The following FARP1 variants were observed in gnomAD, a reference collection of about 807,000 sequenced individuals.
FARP1 encodes FERM, ARHGEF and pleckstrin domain-containing protein 1.
In FARP1, 52 loss-of-function variants were observed where a neutral mutation model predicts 128.8. That is an observed-to-expected ratio of 0.40 (90% CI 0.32 to 0.51). The LOEUF is 0.51. Among genes scored for constraint, FARP1 ranks in the 20% least tolerant of loss-of-function variants. FARP1 has a pLI of 0.45. For synonymous variants in FARP1, 580 were observed against 551.8 expected, an observed-to-expected ratio of 1.05 and a Z score of -0.72; for missense variants, 1,333 against 1,367.9, an observed-to-expected ratio of 0.97 and a Z score of 0.40.
At chr13:98,150,024 A>T in intron 1 of FARP1, among the ~76,000 whole-genome samples, 1 of 150,838 alleles carries the variant, frequency 6.6e-6, no homozygotes, top group South Asian at 2.1e-4. Context: ...GTCTTGAGCC[A>T]CCGCGCCCGG....
At chr13:98,212,575 G>C (rs1880791128) in intron 1 of FARP1, among the ~76,000 whole-genome samples, 1 of 147,766 alleles carries the variant, frequency 6.8e-6, no homozygotes, top group Non-Finnish European at 1.5e-5. Context: ...TGATAGTATA[G>C]TATAGTGTGT....
chr13:98,322,782 A>C (rs1489075041), intron 2 of FARP1, among the ~76,000 whole-genome samples: 1 of 152,172 alleles, frequency 6.6e-6, no homozygotes, highest in Non-Finnish European at 1.5e-5. Flanking sequence ...ACCATCTTGC[A>C]CAAAGGCAGC....
chr13:98,318,744 T>C (rs759769688), intron 2 of FARP1, among the ~76,000 whole-genome samples: 93 of 152,328 alleles, frequency 6.1e-4, no homozygotes, highest in Admixed American at 3.9e-3. Context: ...TGTCTTTTGC[T>C]GTCTGCCCTG....
At chr13:98,408,894 A>G (rs979520297) in intron 13 of FARP1, among the ~76,000 whole-genome samples, 1 of 152,214 alleles carries the variant, frequency 6.6e-6, no homozygotes, top group African/African-American at 2.4e-5. Context: ...ACCCATTGTT[A>G]CGGGACGTAG....
intron 2 of FARP1, among the ~76,000 whole-genome samples, chr13:98,224,889 C>T (rs1228571713): frequency 6.6e-6 from 1 of 152,202 alleles, no homozygotes; most frequent in Non-Finnish European, 1.5e-5. Context: ...GCTTCCATTC[C>T]TGCATTCTCT....
At chr13:98,194,582 A>G (rs1879454902) in intron 1 of FARP1, among the ~76,000 whole-genome samples, 1 of 152,254 alleles carries the variant, frequency 6.6e-6, no homozygotes, top group Non-Finnish European at 1.5e-5. Flanking sequence ...TAAATGGGTT[A>G]GTGATTCCCA....
At chr13:98,436,464 T>G (rs760505850) in intron 19 of FARP1, among the ~76,000 whole-genome samples, 2 of 152,236 alleles carry the variant, frequency 1.3e-5, no homozygotes, top group Non-Finnish European at 2.9e-5. Context: ...CCATTTCAAA[T>G]GCTACGTCAC....
intron 2 of FARP1, among the ~76,000 whole-genome samples, chr13:98,337,810 C>T (rs1020957816): frequency 6.6e-6 from 1 of 152,104 alleles, no homozygotes; most frequent in Non-Finnish European, 1.5e-5. Flanking sequence ...GCCCCAAATG[C>T]ATAATTTGCC....
intron 2 of FARP1, among the ~76,000 whole-genome samples, chr13:98,215,267 C>G (rs1345864822): frequency 6.6e-6 from 1 of 152,188 alleles, no homozygotes; most frequent in Admixed American, 6.5e-5. Context: ...AGCCCTTTGT[C>G]TGGAAGGAAC....
At chr13:98,257,068 G>A (rs944795224) in intron 2 of FARP1, among the ~76,000 whole-genome samples, 6 of 148,306 alleles carry the variant, frequency 4.0e-5, no homozygotes, top group Admixed American at 1.4e-4. Flanking sequence ...AAGATCAAGC[G>A]TTCTTCAACA....
intron 5 of FARP1, 60 bp from the exon 6 acceptor site, chr13:98,377,761 C>G (rs767088373): frequency 7.8e-7 from 1 of 1,278,772 alleles, no homozygotes; most frequent in Non-Finnish European, 1.1e-6. Flanking sequence ...ATGGTGAGGC[C>G]AGGTTCCCGG....
chr13:98,184,159 C>A (rs1566714143), intron 1 of FARP1, among the ~76,000 whole-genome samples: 1 of 152,032 alleles, frequency 6.6e-6, no homozygotes. Flanking sequence ...CTCTTGTTGC[C>A]CAGGCCGGAG....
chr13:98,351,006 G>C (rs1888396781), intron 3 of FARP1, among the ~76,000 whole-genome samples: 1 of 138,530 alleles, frequency 7.2e-6, no homozygotes, highest in Admixed American at 6.9e-5. Flanking sequence ...CGCCTCCCCT[G>C]CCCAGCCTCG....
rs80331970 is a variant in FARP1, at chr13:98,452,768, T to C, written c.*4451T>C. 2.3e-3 allele frequency: 402 copies of C among 174,564 alleles called. 7 individuals carry two copies. The highest frequency in any genetic ancestry group is 0.02 in the East Asian group (124 of 6,262). 10.8% of individuals were successfully genotyped at this position (174,564 alleles called of 1,614,324 possible). ...TCTGTACACCCATCCACCAGAGCGATTCTCCAGCTCCCAGAGGGAGTTATC... is the reference window on the plus strand; with the variant it reads ...TCTGTACACCCATCCACCAGAGCGACTCTCCAGCTCCCAGAGGGAGTTATC... On this transcript the variant is annotated 3_prime_UTR_variant, in exon 27 of 27. Coordinates refer to ENST00000319562, the MANE Select transcript of FARP1 (RefSeq NM_005766.4).
At chr13:98,365,879 TGTGTGTGTGTATGTG>T (rs1328966195) in intron 4 of FARP1, among the ~76,000 whole-genome samples, 1 of 138,524 alleles carries the variant, frequency 7.2e-6, no homozygotes, top group Admixed American at 7.6e-5. Flanking sequence ...AAAGTGTGAG[TGTGTGTGTGTATGTG>T]GTGTGTGTGT....
At chr13:98,147,640 A>G (rs1310753624) in intron 1 of FARP1, among the ~76,000 whole-genome samples, 2 of 151,906 alleles carry the variant, frequency 1.3e-5, no homozygotes, top group Non-Finnish European at 2.9e-5. Context: ...CTAGTATAGT[A>G]TCTGAATATA....
At chr13:98,255,433 G>A (rs922061632) in intron 2 of FARP1, among the ~76,000 whole-genome samples, 7 of 151,986 alleles carry the variant, frequency 4.6e-5, no homozygotes, top group African/African-American at 1.5e-4. Flanking sequence ...CCCAGGACGC[G>A]AAGCTTGCAG....
At chr13:98,376,418 T>C (rs1889586895) in intron 5 of FARP1, among the ~76,000 whole-genome samples, 1 of 152,208 alleles carries the variant, frequency 6.6e-6, no homozygotes, top group South Asian at 2.1e-4. Context: ...CATAATGACC[T>C]CCAGTTCCAA....
chr13:98,175,179 C>A (rs1193727914), intron 1 of FARP1, among the ~76,000 whole-genome samples: 2 of 152,112 alleles, frequency 1.3e-5, no homozygotes, highest in Non-Finnish European at 2.9e-5. Context: ...GAATTCACAG[C>A]CAAAGTTGAT....
Sources: allele counts gnomAD v4.1 joint callset (sites outside exome capture counted in the v4.1 genomes callset), GRCh38; gene constraint gnomAD v4.1.1; transcripts MANE v1.5; gene names NCBI Gene and HGNC (gene_info 2026-07-23, HGNC 2026-07-21).